Variants in SLC25A26 observed in about 807,000 individuals in gnomAD.
The protein encoded by SLC25A26 is mitochondrial S-adenosylmethionine carrier protein.
SLC25A26 carries 36 observed loss-of-function variants against 37.8 expected under a neutral mutation model. The ratio of observed to expected loss-of-function variants is 0.95; its 90% confidence interval spans 0.73 to 1.26. The LOEUF (loss-of-function observed/expected upper bound fraction) is 1.26, where lower values mean the gene tolerates loss of function less well. SLC25A26 is among the 50% of genes most tolerant of loss of function. The pLI is 0.00. For missense variants in SLC25A26, 390 were observed against 331.1 expected (o/e 1.18, Z -1.38); for synonymous variants, 129 against 122.5 (o/e 1.05, Z -0.35).
chr3:66,230,566 G>T (rs1177281673), intron 1 of SLC25A26, among the ~76,000 whole-genome samples: 1 of 152,046 alleles, frequency 6.6e-6, no homozygotes, highest in Admixed American at 6.5e-5. Context: ...CACTTTGGGA[G>T]GCTGAGGTGG....
chr3:66,363,342 T>C (rs2076755591), intron 7 of SLC25A26, among the ~76,000 whole-genome samples: 1 of 152,134 alleles, frequency 6.6e-6, no homozygotes, highest in South Asian at 2.1e-4. Context: ...TTGTGTGACA[T>C]GTTTGACAGC....
At chr3:66,176,610 A>G (rs148375647) in intron 1 of SLC25A26, among the ~76,000 whole-genome samples, 13,417 of 152,316 alleles carry the variant, frequency 0.088, 738 homozygotes, top group Middle Eastern at 0.19. Context: ...CGGTAGCCAG[A>G]AAACAGGGTG....
intron 5 of SLC25A26, among the ~76,000 whole-genome samples, chr3:66,269,178 C>A (rs2073867855): frequency 6.6e-6 from 1 of 152,190 alleles, no homozygotes; most frequent in Non-Finnish European, 1.5e-5. Flanking sequence ...TACAGCAGTT[C>A]TAAAAGGCGG....
At chr3:66,286,815 A>G (rs958755409) in intron 5 of SLC25A26, among the ~76,000 whole-genome samples, 1 of 152,066 alleles carries the variant, frequency 6.6e-6, no homozygotes, top group Non-Finnish European at 1.5e-5. Context: ...GGTGTGCACC[A>G]CCATGCCCTG....
intron 1 of SLC25A26, among the ~76,000 whole-genome samples, chr3:66,182,428 C>T (rs997710570): frequency 1.3e-4 from 20 of 151,866 alleles, no homozygotes; most frequent in African/African-American, 3.9e-4. Flanking sequence ...AAACGGGAGG[C>T]GGCCTCTGAA....
At chr3:66,362,714 C>G in intron 6 of SLC25A26, 146 bp from the exon 7 acceptor site, 1 of 505,826 alleles carries the variant, frequency 2.0e-6, no homozygotes, top group South Asian at 3.2e-5. Context: ...GCTGTTAAGT[C>G]TTTGGGAAAG....
At chr3:66,376,649 C>T (rs77068047) in intron 9 of SLC25A26, among the ~76,000 whole-genome samples, 120 of 152,290 alleles carry the variant, frequency 7.9e-4, no homozygotes, top group Middle Eastern at 3.4e-3. Flanking sequence ...CCCTGGGAAA[C>T]GAAGAAATTT....
intron 5 of SLC25A26, among the ~76,000 whole-genome samples, chr3:66,310,181 T>G (rs770810587): frequency 2.0e-5 from 3 of 152,244 alleles, no homozygotes; most frequent in Admixed American, 1.3e-4. Flanking sequence ...ATCTGAGTGC[T>G]CCTGTATTGG....
chr3:66,274,796 G>C (rs2074078051), intron 5 of SLC25A26, among the ~76,000 whole-genome samples: 1 of 152,100 alleles, frequency 6.6e-6, no homozygotes, highest in African/African-American at 2.4e-5. Context: ...CTTTTACACT[G>C]TTGGTGGGGC....
intron 7 of SLC25A26, among the ~76,000 whole-genome samples, chr3:66,369,177 TTCATCATGTATGTAA>T (rs1559746663): frequency 6.6e-6 from 1 of 152,168 alleles, no homozygotes; most frequent in East Asian, 1.9e-4. Flanking sequence ...TGTGTACACA[TTCATCATGTATGTAA>T]ACATACACAC....
chr3:66,227,408 A>G (rs1553661151), intron 1 of SLC25A26, among the ~76,000 whole-genome samples: 3 of 152,076 alleles, frequency 2.0e-5, no homozygotes, highest in African/African-American at 7.2e-5. Context: ...TGTCGTGTGC[A>G]TTTATTACTG....
At chr3:66,377,601 G>A (rs1700748520) in intron 9 of SLC25A26, 89 bp from the exon 10 acceptor site, 5 of 954,772 alleles carry the variant, frequency 5.2e-6, no homozygotes, top group Non-Finnish European at 8.3e-6. Flanking sequence ...TAATGAGCAT[G>A]GTGTATTGAG....
chr3:66,253,137 G>A (rs915263752), intron 3 of SLC25A26, among the ~76,000 whole-genome samples: 1 of 151,740 alleles, frequency 6.6e-6, no homozygotes, highest in Admixed American at 6.6e-5. Context: ...GCCGGGCGCA[G>A]TGGCTCATGC....
intron 1 of SLC25A26, among the ~76,000 whole-genome samples, chr3:66,173,283 T>C (rs777472763): frequency 1.3e-5 from 2 of 152,166 alleles, no homozygotes; most frequent in Non-Finnish European, 2.9e-5. Flanking sequence ...GTCACATGCT[T>C]TCCCCGGGAG....
intron 5 of SLC25A26, among the ~76,000 whole-genome samples, chr3:66,301,713 G>T (rs2075080615): frequency 1.3e-5 from 2 of 152,130 alleles, no homozygotes; most frequent in Admixed American, 1.3e-4. Flanking sequence ...GAACTTAGGT[G>T]GATGAAACAC....
chr3:66,305,015 A>T (rs1314806240), intron 5 of SLC25A26, among the ~76,000 whole-genome samples: 1 of 152,172 alleles, frequency 6.6e-6, no homozygotes, highest in East Asian at 1.9e-4. Context: ...GAGTTCTGAG[A>T]TTCTTTATTA....
chr3:66,231,232 C>A (rs141508163), intron 1 of SLC25A26, among the ~76,000 whole-genome samples: 151,699 of 152,262 alleles, frequency 1, 75,571 homozygotes, highest in Middle Eastern at 1. Context: ...ATTGGTTGAA[C>A]ACTCCAAGGT....
exon 1 of SLC25A26, chr3:66,133,908 T>A (rs1345997305): frequency 1.3e-5 from 2 of 152,154 alleles, no homozygotes; most frequent in Non-Finnish European, 2.9e-5. Flanking sequence ...CTACCCTCGT[T>A]CTATAAGATG....
chr3:66,261,157 A>G (rs895656100), intron 3 of SLC25A26, among the ~76,000 whole-genome samples: 5 of 152,212 alleles, frequency 3.3e-5, no homozygotes, highest in Non-Finnish European at 5.9e-5. Flanking sequence ...TCAAGGTTAC[A>G]TATGTGAAAT....
Sources: allele counts gnomAD v4.1 joint callset (sites outside exome capture counted in the v4.1 genomes callset), GRCh38; gene constraint gnomAD v4.1.1; transcripts MANE v1.5; gene names NCBI Gene and HGNC (gene_info 2026-07-23, HGNC 2026-07-21).